Variants in ADNP observed in about 807,000 individuals in gnomAD.
The protein encoded by ADNP is activity dependent neuroprotector homeobox.
In ADNP, 4 loss-of-function variants were observed where a neutral mutation model predicts 84.9. That is an observed-to-expected ratio of 0.05 (90% CI 0.02 to 0.11). ADNP has a LOEUF of 0.11. Among genes scored for constraint, ADNP ranks in the 10% least tolerant of loss-of-function variants. The pLI, the probability that ADNP is intolerant of heterozygous loss-of-function variation, is 1.00. For synonymous variants in ADNP, 554 were observed against 468.1 expected (o/e 1.18, Z -2.37); for missense variants, 1,132 against 1,326.0 (o/e 0.85, Z 2.27).
rs1019677990 is a variant in ADNP, at chr20:50,891,089, C to T, written c.*316G>A. 2 of 1,136,418 alleles carry T rather than the reference C, an allele frequency of 1.8e-6. No homozygotes were observed. The highest frequency in any genetic ancestry group is 3.2e-5 in the African/African-American group (2 of 61,676). 70.4% of individuals were successfully genotyped at this position (1,136,418 alleles called of 1,614,324 possible). ...TTTAACACTTCTCAAAGACATCTGA[C>T]CAATCATTTCACAGAGGGAAAGAAA... On this transcript the variant is annotated 3_prime_UTR_variant, in exon 6 of 6. Coordinates refer to ENST00000621696, the MANE Select transcript of ADNP (RefSeq NM_001282531.3).
intron 2 of ADNP, among the ~76,000 whole-genome samples, chr20:50,910,150 G>C (rs1568731908): frequency 6.6e-6 from 1 of 152,162 alleles, no homozygotes; most frequent in Non-Finnish European, 1.5e-5. Flanking sequence ...ACTGAGTCTA[G>C]TAGAAAGAAC....
chr20:50,918,883 T>C (rs1375386716), intron 2 of ADNP, among the ~76,000 whole-genome samples: 1 of 152,178 alleles, frequency 6.6e-6, no homozygotes, highest in Non-Finnish European at 1.5e-5. Context: ...GCTGGTGTAG[T>C]TCATTTATAG....
intron 2 of ADNP, among the ~76,000 whole-genome samples, chr20:50,919,451 G>A (rs1470366575): frequency 1.3e-5 from 2 of 151,958 alleles, no homozygotes; most frequent in African/African-American, 4.8e-5. Context: ...GGAGACCCTG[G>A]AACTTTGGTT....
In ADNP at chr20:50,931,261, G is replaced by T; in HGVS notation, c.-700C>A. 9.4e-6 allele frequency: 1 copy of T among 106,016 alleles called. No homozygotes were observed. The highest frequency in any genetic ancestry group is 2.0e-5 in the Non-Finnish European group (1 of 49,382). The allele number at this position is 106,016 out of a possible 1,614,324, so 6.6% of individuals were successfully genotyped here. ...AAGATGGCGGCGGCCGGGGGGGGGGGGGCGGGAGTTCAGCTCATGGATCCC... is the reference window on the plus strand; with the variant it reads ...AAGATGGCGGCGGCCGGGGGGGGGGTGGCGGGAGTTCAGCTCATGGATCCC... On this transcript the variant is annotated 5_prime_UTR_variant, in exon 1 of 6. Coordinates refer to ENST00000621696, the MANE Select transcript of ADNP (RefSeq NM_001282531.3).
At chr20:50,911,304 T>C (rs1159903500) in intron 2 of ADNP, among the ~76,000 whole-genome samples, 3 of 152,164 alleles carry the variant, frequency 2.0e-5, no homozygotes, top group African/African-American at 7.2e-5. Flanking sequence ...TCCATGAGAG[T>C]TTCCCCCAGG....
At chr20:50,895,725 G>A (rs780880071) in intron 5 of ADNP, among the ~76,000 whole-genome samples, 2 of 152,072 alleles carry the variant, frequency 1.3e-5, no homozygotes. Flanking sequence ...GTAGAGACAG[G>A]GTCTCCCTCT....
chr20:50,923,177 G>A (rs966024877), intron 2 of ADNP, among the ~76,000 whole-genome samples: 17 of 152,228 alleles, frequency 1.1e-4, no homozygotes, highest in East Asian at 5.8e-4. Flanking sequence ...AAGAGGACAC[G>A]CAGATATGTC....
chr20:50,889,466 G>A lies in ADNP; in HGVS notation c.*1939C>T, dbSNP rs186303170. On this transcript the variant is annotated 3_prime_UTR_variant, in exon 6 of 6. Transcript: ENST00000621696. ...ATAACAACAGATGCAACATAGCTCC[G>A]TTCCAGCCCCAAATTCCTTAAAGGT... is the stretch of plus-strand genomic sequence containing the variant. 2.3e-3 allele frequency: 381 copies of A among 162,794 alleles called. No individual in the cohort carries two copies. The highest frequency in any genetic ancestry group is 3.9e-3 in the Non-Finnish European group (295 of 75,178). 10.1% of individuals were successfully genotyped at this position (162,794 alleles called of 1,614,324 possible). A position where few individuals can be genotyped will look rare whatever the true frequency, so the allele number is the denominator to read the frequency against.
chr20:50,910,394 C>T (rs1226295359), intron 2 of ADNP, among the ~76,000 whole-genome samples: 1 of 152,112 alleles, frequency 6.6e-6, no homozygotes, highest in South Asian at 2.1e-4. Context: ...TGTTAGAGGG[C>T]CGAGTTCAAG....
intron 2 of ADNP, among the ~76,000 whole-genome samples, chr20:50,919,287 A>ACATATATTTACATATATATATATATATAT: frequency 7.8e-6 from 1 of 128,068 alleles, no homozygotes; most frequent in East Asian, 2.2e-4. Context: ...ACATATATTT[A>ACATATATTTACATATATATATATATATAT]AGTGTATATA....
chr20:50,907,547 G>A (rs138821076), intron 2 of ADNP, among the ~76,000 whole-genome samples: 4,591 of 152,098 alleles, frequency 0.03, 241 homozygotes, highest in African/African-American at 0.11. Flanking sequence ...GATTACAGGC[G>A]TGCACCACCA....
At position 50,919,287 on chromosome 20, in the gene ADNP, A is replaced by ACATATATATATATATATATATATATAT. The variant is rs776823194; in HGVS notation, c.-90+9363_-90+9364insATATATATATATATATATATATATATG. 1.1e-4 allele frequency among the ~76,000 whole-genome samples: 14 copies of ACATATATATATATATATATATATATAT among 128,058 alleles called. 1 individual carries two copies. Among genetic ancestry groups the ACATATATATATATATATATATATATAT allele is most frequent in the African/African-American group, 4.1e-4 (11 of 26,770 alleles). The allele number at this position is 128,058 out of a possible 152,430, so 84.0% of individuals were successfully genotyped here. A position where few individuals can be genotyped will look rare whatever the true frequency, so the allele number is the denominator to read the frequency against. On this transcript the variant is annotated intron_variant, in intron 2 of 5. Coordinates refer to ENST00000621696, the MANE Select transcript of ADNP (RefSeq NM_001282531.3). ...CCAGCCTGAAAAAATACATATATTT[A>ACATATATATATATATATATATATATAT]AGTGTATATATATATATATATATAT...
intron 5 of ADNP, among the ~76,000 whole-genome samples, chr20:50,901,162 C>T (rs1981934438): frequency 6.6e-6 from 1 of 151,836 alleles, no homozygotes. Flanking sequence ...CTGGTTTGAA[C>T]CATGATGAAA....
intron 2 of ADNP, among the ~76,000 whole-genome samples, chr20:50,925,613 G>C (rs1042435765): frequency 2.6e-5 from 4 of 152,344 alleles, no homozygotes; most frequent in Non-Finnish European, 5.9e-5. Flanking sequence ...AATCAAGGTG[G>C]AAAGTGCCAA....
chr20:50,907,260 C>T (rs1159833995), intron 2 of ADNP, among the ~76,000 whole-genome samples: 1 of 140,108 alleles, frequency 7.1e-6, no homozygotes, highest in East Asian at 2.1e-4. Context: ...TTACAGCCAC[C>T]GCGCCCGGCA....
intron 5 of ADNP, among the ~76,000 whole-genome samples, chr20:50,897,817 AG>A (rs1417737537): frequency 1.3e-5 from 2 of 152,208 alleles, no homozygotes. Context: ...AAAAGCTTGA[AG>A]GGTATGTTAT....
chr20:50,926,785 GAAGA>G (rs1212890042), intron 2 of ADNP, among the ~76,000 whole-genome samples: 4 of 152,248 alleles, frequency 2.6e-5, no homozygotes, highest in Middle Eastern at 6.8e-3. Flanking sequence ...ATTCTCAAAA[GAAGA>G]AACATAAATG....
chr20:50,912,124 A>G (rs1347086663), intron 2 of ADNP, among the ~76,000 whole-genome samples: 5 of 152,080 alleles, frequency 3.3e-5, no homozygotes, highest in African/African-American at 1.2e-4. Context: ...GTTAACACCT[A>G]AACATAAGCT....
chr20:50,909,070 T>TAA (rs745349074), intron 2 of ADNP, among the ~76,000 whole-genome samples: 4 of 138,850 alleles, frequency 2.9e-5, no homozygotes, highest in Admixed American at 7.2e-5. Flanking sequence ...GGATGGCCAT[T>TAA]AAAAAAAAAA....
Sources: gnomAD v4.1 joint callset for allele counts (sites outside exome capture counted in the v4.1 genomes callset) on GRCh38, gnomAD v4.1.1 for gene constraint, MANE v1.5 for transcripts, NCBI Gene and HGNC (gene_info 2026-07-23, HGNC 2026-07-21) for gene names.